KCTD5: variants seen among roughly 807,000 people sequenced by gnomAD.
KCTD5 encodes the protein potassium channel tetramerization domain containing 5, also known as BTB/POZ domain-containing protein KCTD5.
A neutral mutation model predicts 27.9 loss-of-function variants in KCTD5; 12 were observed. That is an observed-to-expected ratio of 0.43 (90% confidence interval 0.28 to 0.70). The LOEUF (loss-of-function observed/expected upper bound fraction) is 0.70. KCTD5 is among the 30% of genes least tolerant of loss of function. The pLI, the probability that KCTD5 is intolerant of heterozygous loss-of-function variation, is 0.19. For synonymous variants in KCTD5, 147 were observed against 121.4 expected, an observed-to-expected ratio of 1.21 and a Z score of -1.39; for missense variants, 226 against 274.8, an observed-to-expected ratio of 0.82 and a Z score of 1.26.
intron 5 of KCTD5, among the ~76,000 whole-genome samples, chr16:2,704,851 C>T (rs577054084): frequency 3.9e-5 from 6 of 152,328 alleles, no homozygotes; most frequent in East Asian, 1.9e-4. Flanking sequence ...TGTGGGCTAG[C>T]GCCGCCTGCC....
At chr16:2,701,625 G>T (rs1188388106) in intron 4 of KCTD5, among the ~76,000 whole-genome samples, 1 of 151,494 alleles carries the variant, frequency 6.6e-6, no homozygotes, top group Non-Finnish European at 1.5e-5. Context: ...CCCGGCCGTT[G>T]GTCCAACTGC....
At chr16:2,685,906 A>G (rs879235518) in intron 1 of KCTD5, 8 of 151,068 alleles carry the variant, frequency 5.3e-5, no homozygotes, top group Non-Finnish European at 7.4e-5. Flanking sequence ...TCTGGAGAGG[A>G]GTTGGGTGGG....
At chr16:2,702,001 AGCCGCCCTCCACTCTCCTCCCGCT>A (rs1339237399) in intron 4 of KCTD5, among the ~76,000 whole-genome samples, 2 of 152,068 alleles carry the variant, frequency 1.3e-5, no homozygotes, top group Non-Finnish European at 2.9e-5. Context: ...AGGTTTTCAG[AGCCGCCCTCCACTCTCCTCCCGCT>A]GCCCCCCTCC....
rs533937717 is a variant in KCTD5 at position 2,691,359 on chromosome 16, G to A, written c.253-4576G>A. Among the ~76,000 whole-genome samples, 5 of 152,344 alleles carry A rather than the reference G, an allele frequency of 3.3e-5. No homozygotes were observed. The East Asian group carries it at 5.8e-4, about 18-fold the overall frequency. The stretch of plus-strand genomic sequence containing the variant: ...AAGGAACCCATGGGAAGAAACGGCC[G>A]GAGAGCTGTGAGGCCAGCCACAGAA... On this transcript the variant is annotated intron_variant, in intron 1 of 5. Coordinates refer to ENST00000301738, the MANE Select transcript of KCTD5 (RefSeq NM_018992.4).
At chr16:2,691,477 G>A (rs1456968235) in intron 1 of KCTD5, among the ~76,000 whole-genome samples, 1 of 152,226 alleles carries the variant, frequency 6.6e-6, no homozygotes, top group African/African-American at 2.4e-5. Context: ...CTAGGGCCAC[G>A]CAGGGCTCTG....
chr16:2,705,492 G>A (rs546923590), intron 5 of KCTD5, among the ~76,000 whole-genome samples: 27 of 152,256 alleles, frequency 1.8e-4, no homozygotes, highest in South Asian at 4.1e-4. Flanking sequence ...CACTCGTGCC[G>A]CCAGCCCTAG....
At chr16:2,688,273 C>T (rs1018109571) in intron 1 of KCTD5, among the ~76,000 whole-genome samples, 6 of 146,706 alleles carry the variant, frequency 4.1e-5, no homozygotes, top group East Asian at 2.0e-4. Context: ...TTATTTGAGA[C>T]GGAGTCTTGC....
chr16:2,707,386 G>A lies in KCTD5; in HGVS notation c.*59G>A, dbSNP rs1211428714. 5 of 1,529,070 alleles carry A rather than the reference G, an allele frequency of 3.3e-6. No individual in the cohort carries two copies. Among genetic ancestry groups the A allele is most frequent in the Non-Finnish European group, 4.5e-6 (5 of 1,102,420 alleles). The allele number at this position is 1,529,070 out of a possible 1,614,324, so 94.7% of individuals were successfully genotyped here. ...ACGTTTTCCCGAGATGTAATGAACTGCCATGTCCAGGAAGCTTGGCTGTGA... is the reference window on the plus strand; with the variant it reads ...ACGTTTTCCCGAGATGTAATGAACTACCATGTCCAGGAAGCTTGGCTGTGA... On this transcript the variant is annotated 3_prime_UTR_variant, in exon 6 of 6. Coordinates refer to ENST00000301738, the MANE Select transcript of KCTD5 (RefSeq NM_018992.4).
rs541805016 is a variant in KCTD5 at position 2,700,310 on chromosome 16, G to A, written c.549+394G>A. ...CATCGGAGCATATGGAGGCCCTGAC[G>A]CCTTTCCCAGGCTGCCTCCCCTTCC... On this transcript the variant is annotated intron_variant, in intron 4 of 5. Transcript: ENST00000301738. 5.9e-5 allele frequency among the ~76,000 whole-genome samples: 9 copies of A among 152,342 alleles called. No individual in the cohort carries two copies. In the East Asian group the frequency reaches 1.7e-3, roughly 29 times the overall value.
chr16:2,683,432 G>A, intron 1 of KCTD5: 1 of 152,214 alleles, frequency 6.6e-6, no homozygotes, highest in Non-Finnish European at 1.5e-5. Context: ...TTGCTTTAGG[G>A]ATGTCCAGGA....
intron 4 of KCTD5, 144 bp downstream of exon 4, chr16:2,700,060 G>C: frequency 1.4e-6 from 1 of 731,162 alleles, no homozygotes; most frequent in Admixed American, 2.1e-5. Context: ...GCAGCGACCT[G>C]TGCCCTGTTT....
chr16:2,700,934 C>T (rs1226389337), intron 4 of KCTD5, among the ~76,000 whole-genome samples: 1 of 152,092 alleles, frequency 6.6e-6, no homozygotes, highest in East Asian at 1.9e-4. Context: ...TGGTCCCTGC[C>T]CTGCACCTCA....
At chr16:2,702,265 G>A in intron 4 of KCTD5, 88 bp from the exon 5 acceptor site, 1 of 1,538,736 alleles carries the variant, frequency 6.5e-7, no homozygotes, top group Non-Finnish European at 8.9e-7. Flanking sequence ...CTTTCGCGGT[G>A]GCAGGCGCGT....
At chr16:2,682,931 C>A in intron 1 of KCTD5, 131 bp downstream of exon 1, 1 of 1,160,246 alleles carries the variant, frequency 8.6e-7, no homozygotes, top group African/African-American at 1.6e-5. Flanking sequence ...GCCCCGCGCT[C>A]CCTTGTCGCC....
chr16:2,698,368 G>A (rs907626108), intron 3 of KCTD5, among the ~76,000 whole-genome samples: 1 of 152,274 alleles, frequency 6.6e-6, no homozygotes, highest in Admixed American at 6.5e-5. Flanking sequence ...AGCCAGCATG[G>A]CTGGAGGGAG....
rs1285636925 is a variant in KCTD5 at position 2,708,531 on chromosome 16, A to T, written c.*1204A>T. 6.6e-6 allele frequency: 1 copy of T among 152,222 alleles called. No homozygotes were observed. The highest frequency in any genetic ancestry group is 1.5e-5 in the Non-Finnish European group (1 of 68,064). The allele number at this position is 152,222 out of a possible 1,614,324, so 9.4% of individuals were successfully genotyped here. ...CGGCTTCCCAAGGGGTACTGTGCAG[A>T]CTGACCACCGGCCTCCCGCCTGCAG... On this transcript the variant is annotated 3_prime_UTR_variant, in exon 6 of 6. Transcript: ENST00000301738.
At chr16:2,683,006 G>T (rs2067525427) in intron 1 of KCTD5, 2 of 552,970 alleles carry the variant, frequency 3.6e-6, no homozygotes, top group Non-Finnish European at 3.0e-6. Context: ...GCGCCCTGGC[G>T]TCCACTGCCT....
chr16:2,703,082 C>G lies in KCTD5; in HGVS notation c.675+604C>G, dbSNP rs149489110. Among the ~76,000 whole-genome samples, 73 of 152,334 alleles carry G rather than the reference C, an allele frequency of 4.8e-4. No homozygotes were observed. In the East Asian group the frequency reaches 0.013, roughly 26 times the overall value. Reference sequence around the variant, plus strand: ...AGACTCTGCGGGGGCTCAGGCCCTTCTGTTTTCTGCGGGGCAGGCAGCTGG... The same window carrying G: ...AGACTCTGCGGGGGCTCAGGCCCTTGTGTTTTCTGCGGGGCAGGCAGCTGG... On this transcript the variant is annotated intron_variant, in intron 5 of 5. Coordinates refer to ENST00000301738, the MANE Select transcript of KCTD5 (RefSeq NM_018992.4).
At chr16:2,691,267 T>TGCG (rs1334750228) in intron 1 of KCTD5, among the ~76,000 whole-genome samples, 1 of 152,198 alleles carries the variant, frequency 6.6e-6, no homozygotes, top group East Asian at 1.9e-4. Context: ...CCCGCCCTGG[T>TGCG]GCGGATGTCC....
Sources: gnomAD v4.1 joint callset for allele counts (sites outside exome capture counted in the v4.1 genomes callset) on GRCh38, gnomAD v4.1.1 for gene constraint, MANE v1.5 for transcripts, NCBI Gene and HGNC (gene_info 2026-07-23, HGNC 2026-07-21) for gene names.